IFNL1: variants seen among roughly 807,000 people sequenced by gnomAD.
The protein encoded by IFNL1 is interferon lambda 1.
In IFNL1, 16 loss-of-function variants were observed where a neutral mutation model predicts 17.1. The ratio of observed to expected loss-of-function variants is 0.93; its 90% CI spans 0.63 to 1.42. The LOEUF (loss-of-function observed/expected upper bound fraction) is 1.42. IFNL1 is among the 40% of genes most tolerant of loss of function. IFNL1 has a pLI of 0.00. For synonymous variants in IFNL1, 104 were observed against 111.4 expected (o/e 0.93, Z 0.42); for missense variants, 262 against 249.4 (o/e 1.05, Z -0.34).
chr19:39,297,861 C>G, intron 2 of IFNL1, 103 bp from the exon 3 acceptor site: 2 of 1,421,760 alleles, frequency 1.4e-6, no homozygotes, highest in Non-Finnish European at 1.9e-6. Flanking sequence ...GTCCCCACCA[C>G]ATGCACTGTG....
rs1008671145 is a variant in IFNL1 at position 39,296,744 on chromosome 19, G to A, written c.172-61G>A. The A allele has an allele frequency of 2.6e-6, 4 of 1,528,382 alleles. No individual in the cohort carries two copies. The Admixed American group carries it at 6.8e-5, about 26-fold the overall frequency. 94.7% of individuals were successfully genotyped at this position (1,528,382 alleles called of 1,614,324 possible). A position where few individuals can be genotyped will look rare whatever the true frequency, so the allele number is the denominator to read the frequency against. On this transcript the variant is annotated intron_variant, in intron 1 of 4. Transcript: ENST00000333625. ...ATGCTGTCAGGCCAACTTCATCCTTGCTGCTATGAGCTAGCTTCCAGCCAT... is the reference window on the plus strand; with the variant it reads ...ATGCTGTCAGGCCAACTTCATCCTTACTGCTATGAGCTAGCTTCCAGCCAT...
At position 39,296,597 on chromosome 19, in the gene IFNL1, G is replaced by T. The variant is rs180677750; in HGVS notation, c.171+5G>T. 7.2e-5 allele frequency: 116 copies of T among 1,608,364 alleles called. No homozygotes were observed. In the East Asian group the frequency reaches 2.5e-3, roughly 34 times the overall value. Reference sequence around the variant, plus strand: ...AAGAAGGCCAGGGACGCCTTGGTGAGTTCCTGTTGCTGTGGATGAACCACT... The same window carrying T: ...AAGAAGGCCAGGGACGCCTTGGTGATTTCCTGTTGCTGTGGATGAACCACT... On this transcript the variant is annotated splice_donor_5th_base_variant and intron_variant, in intron 1 of 4. Coordinates refer to ENST00000333625, the MANE Select transcript of IFNL1 (RefSeq NM_172140.2).
intron 2 of IFNL1, 135 bp from the exon 3 acceptor site, chr19:39,297,829 C>G (rs1289662909): frequency 9.2e-7 from 1 of 1,087,890 alleles, no homozygotes; most frequent in East Asian, 2.4e-5. Flanking sequence ...CTCCTGTCTC[C>G]TTCTCCCCAG....
chr19:39,298,015 G>A lies in IFNL1; in HGVS notation c.301G>A (p.Val101Ile), dbSNP rs1354528687. Residue 101 changes from valine to isoleucine, a missense_variant, in exon 3 of 5, where the codon GTC (valine) becomes ATC (isoleucine). By Grantham distance (29) the Val-to-Ile change is conservative. Transcript: ENST00000333625. ...LEAELALTLK[V>I]LEAAAGPALE... ...GGCTGAGCTGGCCCTGACGCTGAAG[G>A]TCCTGGAGGCCGCTGCTGGCCCAGC... 1.2e-6 allele frequency: 2 copies of A among 1,614,046 alleles called. No homozygotes were observed. The highest frequency in any genetic ancestry group is 1.7e-5 in the Admixed American group (1 of 60,008).
In IFNL1 at chr19:39,296,790, G is replaced by C. The variant is rs2075100599; in HGVS notation, c.172-15G>C. ...GCCATCCTGCTGTGGGCTAACCCCTGCCCTTGCTCTCTAGGAAGAGTCACT... is the reference window on the plus strand; with the variant it reads ...GCCATCCTGCTGTGGGCTAACCCCTCCCCTTGCTCTCTAGGAAGAGTCACT... On this transcript the variant is annotated splice_polypyrimidine_tract_variant and intron_variant, in intron 1 of 4. Transcript: ENST00000333625. The C allele has an allele frequency of 6.2e-7, 1 of 1,611,676 alleles. No homozygotes were observed. The highest frequency in any genetic ancestry group is 1.3e-5 in the African/African-American group (1 of 74,868).
chr19:39,298,309 G>A lies in IFNL1; in HGVS notation c.477+13G>A. On this transcript the variant is annotated intron_variant, in intron 4 of 4. Coordinates refer to ENST00000333625, the MANE Select transcript of IFNL1 (RefSeq NM_172140.2). ...GGCCCCCAAAAAGGTGAGTGACCCA[G>A]GAAGAGAAGGACCAGGGTCTGGGGA... The A allele has an allele frequency of 6.2e-7, 1 of 1,614,170 alleles. No homozygotes were observed. Among genetic ancestry groups the A allele is most frequent in the Non-Finnish European group, 8.5e-7 (1 of 1,180,010 alleles).
At chr19:39,298,135 G>T (rs201162147) in intron 3 of IFNL1, 28 bp downstream of exon 3, 2 of 1,612,610 alleles carry the variant, frequency 1.2e-6, no homozygotes, top group Admixed American at 1.7e-5. Flanking sequence ...GGGCACCCAG[G>T]TCTGTGGGCT....
intron 1 of IFNL1, 21 bp from the exon 2 acceptor site, chr19:39,296,784 A>T: frequency 6.2e-7 from 1 of 1,608,406 alleles, no homozygotes; most frequent in Admixed American, 1.7e-5. Flanking sequence ...CTGTGGGCTA[A>T]CCCCTGCCCT....
chr19:39,297,853 C>A, intron 2 of IFNL1, 111 bp from the exon 3 acceptor site: 2 of 1,351,734 alleles, frequency 1.5e-6, no homozygotes, highest in Non-Finnish European at 2.1e-6. Flanking sequence ...CCTCACCTGT[C>A]CCCACCACAT....
In IFNL1 at chr19:39,296,791, C is replaced by T. The variant is rs1269192771; in HGVS notation, c.172-14C>T. Reference sequence around the variant, plus strand: ...CCATCCTGCTGTGGGCTAACCCCTGCCCTTGCTCTCTAGGAAGAGTCACTC... The same window carrying T: ...CCATCCTGCTGTGGGCTAACCCCTGTCCTTGCTCTCTAGGAAGAGTCACTC... On this transcript the variant is annotated splice_polypyrimidine_tract_variant and intron_variant, in intron 1 of 4. Coordinates refer to ENST00000333625, the MANE Select transcript of IFNL1 (RefSeq NM_172140.2). 18 of 1,611,398 alleles carry T rather than the reference C, an allele frequency of 1.1e-5. No homozygotes were observed. Among genetic ancestry groups the T allele is most frequent in the Non-Finnish European group, 1.5e-5 (18 of 1,177,786 alleles).
rs371220847 is a variant in IFNL1, at chr19:39,297,958, C to T, written c.250-6C>T. ...CCCTCACCTGCTCTTTCTCACCTCT[C>T]CTCAGGTGAGGGAGCGCCCTGTGGC... On this transcript the variant is annotated splice_polypyrimidine_tract_variant and splice_region_variant and intron_variant, in intron 2 of 4. Coordinates refer to ENST00000333625, the MANE Select transcript of IFNL1 (RefSeq NM_172140.2). The T allele has an allele frequency of 1.3e-5, 21 of 1,614,046 alleles. No individual in the cohort carries two copies. The African/African-American group carries it at 2.4e-4, about 18-fold the overall frequency.
chr19:39,298,447 G>T lies in IFNL1; in HGVS notation c.534G>T (p.Thr178=), dbSNP rs776093081. The T allele has an allele frequency of 1.2e-6, 2 of 1,614,130 alleles. No individual in the cohort carries two copies. Among genetic ancestry groups the T allele is most frequent in the South Asian group, 1.1e-5 (1 of 91,070 alleles). Residue 178 remains threonine (T), a synonymous_variant, in exon 5 of 5, where the codon ACG becomes ACT. Coordinates refer to ENST00000333625, the MANE Select transcript of IFNL1 (RefSeq NM_172140.2). ...CCTTCAACCTCTTCCGCCTCCTCAC[G>T]CGAGACCTCAAATATGTGGCCGATG... is the stretch of plus-strand genomic sequence containing the variant. ...SVTFNLFRLL[T]RDLKYVADGN...
rs1178840971 is a variant in IFNL1, at chr19:39,296,793, C to G, written c.172-12C>G. The G allele has an allele frequency of 6.2e-7, 1 of 1,612,698 alleles. No individual in the cohort carries two copies. The highest frequency in any genetic ancestry group is 8.5e-7 in the Non-Finnish European group (1 of 1,178,914). On this transcript the variant is annotated splice_polypyrimidine_tract_variant and intron_variant, in intron 1 of 4. Transcript: ENST00000333625. ...ATCCTGCTGTGGGCTAACCCCTGCCCTTGCTCTCTAGGAAGAGTCACTCAA... is the reference window on the plus strand; with the variant it reads ...ATCCTGCTGTGGGCTAACCCCTGCCGTTGCTCTCTAGGAAGAGTCACTCAA...
At chr19:39,296,717 C>T in intron 1 of IFNL1, 88 bp from the exon 2 acceptor site, 1 of 1,503,994 alleles carries the variant, frequency 6.6e-7, no homozygotes, top group East Asian at 2.3e-5. Flanking sequence ...TGGGTTAAAC[C>T]CATGCTGTCA....
Position 39,298,626 on chromosome 19 carries a change from T to C in IFNL1, c.*110T>C. Reference sequence around the variant, plus strand: ...GACTGAGACATAGGGCTGAGTTTATTGTTTTACTTTTATACATTATGCACA... The same window carrying C: ...GACTGAGACATAGGGCTGAGTTTATCGTTTTACTTTTATACATTATGCACA... On this transcript the variant is annotated 3_prime_UTR_variant, in exon 5 of 5. Transcript: ENST00000333625. 5.2e-6 allele frequency: 7 copies of C among 1,341,568 alleles called. No individual in the cohort carries two copies. The South Asian group carries it at 8.0e-5, about 15-fold the overall frequency. The allele number at this position is 1,341,568 out of a possible 1,614,324, so 83.1% of individuals were successfully genotyped here. A position where few individuals can be genotyped will look rare whatever the true frequency, so the allele number is the denominator to read the frequency against.
rs1286693777 is a variant in IFNL1 at position 39,298,299 on chromosome 19, G to T, written c.477+3G>T. On this transcript the variant is annotated splice_donor_region_variant and intron_variant, in intron 4 of 4. Transcript: ENST00000333625. Reference sequence around the variant, plus strand: ...GGCTCCAGGAGGCCCCCAAAAAGGTGAGTGACCCAGGAAGAGAAGGACCAG... The same window carrying T: ...GGCTCCAGGAGGCCCCCAAAAAGGTTAGTGACCCAGGAAGAGAAGGACCAG... 6.2e-7 allele frequency: 1 copy of T among 1,614,162 alleles called. No homozygotes were observed. The highest frequency in any genetic ancestry group is 8.5e-7 in the Non-Finnish European group (1 of 1,180,004).
At chr19:39,296,986 G>C in intron 2 of IFNL1, 104 bp downstream of exon 2, 1 of 818,532 alleles carries the variant, frequency 1.2e-6, no homozygotes. Context: ...TCACTCTCTT[G>C]GACCTCTCCT....
At position 39,296,772 on chromosome 19, in the gene IFNL1, T is replaced by C. The variant is rs1037653838; in HGVS notation, c.172-33T>C. On this transcript the variant is annotated intron_variant, in intron 1 of 4. Transcript: ENST00000333625. ...GCTATGAGCTAGCTTCCAGCCATCC[T>C]GCTGTGGGCTAACCCCTGCCCTTGC... is the stretch of plus-strand genomic sequence containing the variant. 15 of 1,592,244 alleles carry C rather than the reference T, an allele frequency of 9.4e-6. No homozygotes were observed. In the African/African-American group the frequency reaches 2.0e-4, roughly 21 times the overall value.
chr19:39,298,412 G>C lies in IFNL1; in HGVS notation c.499G>C (p.Ala167Pro). Residue 167 changes from alanine to proline, a missense_variant, in exon 5 of 5, where the codon GCA becomes CCA. By Grantham distance (27) the Ala-to-Pro change is conservative. Coordinates refer to ENST00000333625, the MANE Select transcript of IFNL1 (RefSeq NM_172140.2). ...ACAGGAGTCCGCTGGCTGCCTGGAG[G>C]CATCTGTCACCTTCAACCTCTTCCG... ...PKKESAGCLEASVTFNLFRLL... is the reference protein window; with the variant it reads ...PKKESAGCLEPSVTFNLFRLL... The C allele has an allele frequency of 1.2e-6, 2 of 1,614,192 alleles. No individual in the cohort carries two copies. Among genetic ancestry groups the C allele is most frequent in the Non-Finnish European group, 8.5e-7 (1 of 1,180,038 alleles).
Sources: allele counts gnomAD v4.1 joint callset, GRCh38; gene constraint gnomAD v4.1.1; transcripts MANE v1.5; gene names NCBI Gene and HGNC (gene_info 2026-07-23, HGNC 2026-07-21).